ANKS1B: variants seen among roughly 807,000 people sequenced by gnomAD.
ANKS1B encodes ankyrin repeat and sterile alpha motif domain-containing protein 1B.
ANKS1B carries 36 observed loss-of-function variants against 148.3 expected under a neutral mutation model. The observed-to-expected ratio is 0.24, with a 90% CI of 0.19 to 0.32. The LOEUF (loss-of-function observed/expected upper bound fraction) is 0.32. Among genes scored for constraint, ANKS1B ranks in the 10% least tolerant of loss-of-function variants. The pLI is 1.00. For missense variants in ANKS1B, 1,157 were observed against 1,542.6 expected, an observed-to-expected ratio of 0.75 and a Z score of 4.19; for synonymous variants, 542 against 560.8, an observed-to-expected ratio of 0.97 and a Z score of 0.47.
chr12:99,158,106 T>C (rs979806730), intron 14 of ANKS1B, among the ~76,000 whole-genome samples: 12 of 152,162 alleles, frequency 7.9e-5, no homozygotes, highest in Admixed American at 2.0e-4. Flanking sequence ...CCCTGAGTCA[T>C]GTTGTTTGTT....
intron 1 of ANKS1B, among the ~76,000 whole-genome samples, chr12:99,938,528 G>C (rs1566040339): frequency 6.6e-6 from 1 of 152,118 alleles, no homozygotes; most frequent in Non-Finnish European, 1.5e-5. Flanking sequence ...TACAACAATA[G>C]ATGACTAACA....
chr12:99,189,445 T>C (rs974540763), intron 14 of ANKS1B, among the ~76,000 whole-genome samples: 1 of 152,092 alleles, frequency 6.6e-6, no homozygotes, highest in Non-Finnish European at 1.5e-5. Flanking sequence ...AAATCCTCAA[T>C]AAAACACTGG....
At chr12:99,299,293 T>TG in intron 12 of ANKS1B, among the ~76,000 whole-genome samples, 1 of 152,274 alleles carries the variant, frequency 6.6e-6, no homozygotes, top group East Asian at 1.9e-4. Flanking sequence ...ACTCCTGGCC[T>TG]GAAGCAATTC....
intron 12 of ANKS1B, among the ~76,000 whole-genome samples, chr12:99,304,547 A>G (rs2082104569): frequency 6.6e-6 from 1 of 152,074 alleles, no homozygotes; most frequent in African/African-American, 2.4e-5. Flanking sequence ...ATTTGTGACA[A>G]TGTTGTTCCT....
chr12:98,950,889 A>T (rs1050638767), intron 17 of ANKS1B, among the ~76,000 whole-genome samples: 2 of 152,128 alleles, frequency 1.3e-5, no homozygotes, highest in African/African-American at 4.8e-5. Context: ...CATTGCTGGG[A>T]TTACAGATGT....
At chr12:99,261,888 T>C (rs1019568380) in intron 12 of ANKS1B, among the ~76,000 whole-genome samples, 1 of 152,126 alleles carries the variant, frequency 6.6e-6, no homozygotes, top group Non-Finnish European at 1.5e-5. Context: ...TGTGAGGCCA[T>C]ACGTGATCTC....
intron 10 of ANKS1B, among the ~76,000 whole-genome samples, chr12:99,453,322 G>A (rs761942664): frequency 6.6e-6 from 1 of 152,028 alleles, no homozygotes; most frequent in South Asian, 2.1e-4. Context: ...AAAAAAAGAA[G>A]AGATGAGTTG....
chr12:98,824,460 T>A (rs1301746078), intron 19 of ANKS1B, among the ~76,000 whole-genome samples: 1 of 152,196 alleles, frequency 6.6e-6, no homozygotes, highest in Non-Finnish European at 1.5e-5. Flanking sequence ...GACTGACAGG[T>A]GATGGGTCTG....
intron 15 of ANKS1B, among the ~76,000 whole-genome samples, chr12:99,120,057 G>A (rs763378139): frequency 1.4e-4 from 21 of 152,148 alleles, no homozygotes; most frequent in Non-Finnish European, 2.9e-4. Context: ...CGCCTGTCCC[G>A]GCAACTCAGG....
At chr12:99,307,587 G>A (rs1224365605) in intron 12 of ANKS1B, among the ~76,000 whole-genome samples, 1 of 152,074 alleles carries the variant, frequency 6.6e-6, no homozygotes, top group Non-Finnish European at 1.5e-5. Flanking sequence ...AAATGAGAAG[G>A]AAGAGGCAAA....
intron 17 of ANKS1B, among the ~76,000 whole-genome samples, chr12:98,941,027 A>G (rs1426126852): frequency 6.6e-6 from 1 of 152,222 alleles, no homozygotes; most frequent in Non-Finnish European, 1.5e-5. Flanking sequence ...GGTCACTACA[A>G]ACACTGAATT....
At chr12:99,456,016 A>T (rs975383455) in intron 10 of ANKS1B, among the ~76,000 whole-genome samples, 2 of 152,300 alleles carry the variant, frequency 1.3e-5, no homozygotes, top group African/African-American at 4.8e-5. Context: ...CAGAGAGTCC[A>T]CTTCACTCTC....
chr12:99,278,435 A>G (rs2077967240), intron 12 of ANKS1B, among the ~76,000 whole-genome samples: 1 of 152,220 alleles, frequency 6.6e-6, no homozygotes, highest in Non-Finnish European at 1.5e-5. Context: ...AATTTTGGGG[A>G]TGTGTCTGTT....
intron 17 of ANKS1B, among the ~76,000 whole-genome samples, chr12:99,017,924 C>A (rs2099943505): frequency 6.6e-6 from 1 of 152,242 alleles, no homozygotes; most frequent in East Asian, 1.9e-4. Flanking sequence ...TCACTGCTGT[C>A]CCCTCCCCAC....
intron 14 of ANKS1B, among the ~76,000 whole-genome samples, chr12:99,190,506 T>C (rs188541272): frequency 1.3e-3 from 191 of 152,134 alleles, no homozygotes; most frequent in African/African-American, 4.2e-3. Context: ...TACAGAGCAA[T>C]GGAACAGAAC....
In ANKS1B at chr12:98,930,253, C is replaced by T. The variant is rs574816092; in HGVS notation, c.2779-98117G>A. ...ACAATGAAATACCACTTCATTCCTACTAAGATGGCTAAAATAAAAAAGACC... is the reference window on the plus strand; with the variant it reads ...ACAATGAAATACCACTTCATTCCTATTAAGATGGCTAAAATAAAAAAGACC... On this transcript the variant is annotated intron_variant, in intron 17 of 26. Transcript: ENST00000683438. 7.2e-4 allele frequency among the ~76,000 whole-genome samples: 110 copies of T among 152,198 alleles called. 1 individual carries two copies. The highest frequency in any genetic ancestry group is 1.5e-3 in the Non-Finnish European group (99 of 67,986).
chr12:99,772,085 A>T (rs1037747860), intron 8 of ANKS1B, among the ~76,000 whole-genome samples: 11 of 152,134 alleles, frequency 7.2e-5, no homozygotes, highest in Admixed American at 1.3e-4. Flanking sequence ...AGTATATACT[A>T]TAAGTCCTTC....
At chr12:99,325,713 T>G (rs2086182514) in intron 12 of ANKS1B, among the ~76,000 whole-genome samples, 1 of 152,136 alleles carries the variant, frequency 6.6e-6, no homozygotes, top group Non-Finnish European at 1.5e-5. Flanking sequence ...GAAGCATTTC[T>G]TCAAAGAATT....
At chr12:99,037,702 A>G (rs2099956405) in intron 17 of ANKS1B, among the ~76,000 whole-genome samples, 1 of 152,238 alleles carries the variant, frequency 6.6e-6, no homozygotes, top group Non-Finnish European at 1.5e-5. Context: ...TCAGGACTAA[A>G]GACCCTGAGG....
Sources: gnomAD v4.1 joint callset for allele counts (sites outside exome capture counted in the v4.1 genomes callset) on GRCh38, gnomAD v4.1.1 for gene constraint, MANE v1.5 for transcripts, NCBI Gene and HGNC (gene_info 2026-07-23, HGNC 2026-07-21) for gene names.